Variants in MAGI3 observed in about 807,000 individuals in gnomAD.
MAGI3 encodes the protein membrane-associated guanylate kinase, WW and PDZ domain-containing protein 3.
Under a neutral mutation model 121.8 loss-of-function variants are expected in MAGI3, and 43 were observed. The observed-to-expected ratio is 0.35, with a 90% CI of 0.28 to 0.46. The LOEUF (loss-of-function observed/expected upper bound fraction) is 0.46. Among genes scored for constraint, MAGI3 ranks in the 20% least tolerant of loss-of-function variants. MAGI3 has a pLI of 1.00. For missense variants in MAGI3, 1,547 were observed against 1,797.3 expected, an observed-to-expected ratio of 0.86 and a Z score of 2.52; for synonymous variants, 553 against 639.3, an observed-to-expected ratio of 0.86 and a Z score of 2.04.
At chr1:113,594,977 A>G (rs1004368066) in intron 6 of MAGI3, among the ~76,000 whole-genome samples, 1 of 152,208 alleles carries the variant, frequency 6.6e-6, no homozygotes, top group African/African-American at 2.4e-5. Context: ...ATCTATAGCT[A>G]TTCTTAGCCA....
intron 1 of MAGI3, chr1:113,450,878 A>G (rs892204824): frequency 1.8e-4 from 110 of 622,792 alleles, no homozygotes; most frequent in Non-Finnish European, 2.9e-4. Flanking sequence ...ATCCATAGTC[A>G]GAAAAGTTAT....
At chr1:113,436,967 A>C (rs1314842234) in intron 1 of MAGI3, among the ~76,000 whole-genome samples, 2 of 151,844 alleles carry the variant, frequency 1.3e-5, no homozygotes, top group African/African-American at 4.8e-5. Context: ...GGCGTGTGCC[A>C]CCACGTCCAG....
Position 113,649,298 on chromosome 1 carries a change from G to A in MAGI3, c.2217G>A (p.Arg739=), listed in dbSNP as rs774744797. 15 of 1,612,942 alleles carry A rather than the reference G, an allele frequency of 9.3e-6. No individual in the cohort carries two copies. The African/African-American group carries it at 1.5e-4, about 16-fold the overall frequency. The change falls in exon 13 of 21, where the codon AGG becomes AGA. Residue 739 remains arginine (R), a synonymous_variant. Coordinates refer to ENST00000307546, the MANE Select transcript of MAGI3 (RefSeq NM_001142782.2). ...LRKQESGFGF[R]VLGGDGPDQS... ...AACAAGAGTCAGGGTTTGGCTTCAG[G>A]GTGCTAGGAGGAGATGGACCTGACC... is the stretch of plus-strand genomic sequence containing the variant.
chr1:113,590,261 C>T lies in MAGI3; in HGVS notation c.764-223C>T, dbSNP rs181256886. 9.6e-4 allele frequency among the ~76,000 whole-genome samples: 146 copies of T among 152,066 alleles called. 1 individual carries two copies. The highest frequency in any genetic ancestry group is 3.4e-3 in the African/African-American group (140 of 41,500). ...TCTATTGTTGTTTTTTGCTTCTTTC[C>T]AAGACTAGCATCAGAGGTGCTATAC... On this transcript the variant is annotated intron_variant, in intron 4 of 20. Transcript: ENST00000307546.
chr1:113,443,482 T>G (rs1446345183), intron 1 of MAGI3, among the ~76,000 whole-genome samples: 1 of 152,176 alleles, frequency 6.6e-6, no homozygotes, highest in Non-Finnish European at 1.5e-5. Context: ...TCATTAGAAG[T>G]TTTACTCTTG....
At chr1:113,661,412 ACTGAGT>A (rs1653780152) in intron 16 of MAGI3, among the ~76,000 whole-genome samples, 1 of 152,236 alleles carries the variant, frequency 6.6e-6, no homozygotes, top group Admixed American at 6.5e-5. Flanking sequence ...AGATGAGGAA[ACTGAGT>A]CACAGAGCAG....
intron 1 of MAGI3, among the ~76,000 whole-genome samples, chr1:113,429,296 G>T (rs1221148466): frequency 6.6e-6 from 1 of 152,202 alleles, no homozygotes; most frequent in Non-Finnish European, 1.5e-5. Context: ...CCAGTGGAGG[G>T]TGCCCAGGCT....
At chr1:113,407,722 T>C (rs1651766230) in intron 1 of MAGI3, among the ~76,000 whole-genome samples, 1 of 152,108 alleles carries the variant, frequency 6.6e-6, no homozygotes, top group Non-Finnish European at 1.5e-5. Flanking sequence ...CTGGTGAATC[T>C]AGGATCAGCA....
intron 1 of MAGI3, among the ~76,000 whole-genome samples, chr1:113,510,970 AGTTAATT>A (rs1657586521): frequency 6.6e-6 from 1 of 152,160 alleles, no homozygotes. Flanking sequence ...ATTACATTAC[AGTTAATT>A]GTTGAAGTCT....
intron 5 of MAGI3, among the ~76,000 whole-genome samples, chr1:113,593,013 A>AAAAC (rs1043261205): frequency 9.2e-5 from 14 of 152,124 alleles, no homozygotes; most frequent in Admixed American, 8.5e-4. Context: ...CTCTGTCTCA[A>AAAAC]AAACAAACAA....
chr1:113,457,734 GATAAAT>G (rs1654828064), intron 1 of MAGI3, among the ~76,000 whole-genome samples: 1 of 151,924 alleles, frequency 6.6e-6, no homozygotes, highest in African/African-American at 2.4e-5. Flanking sequence ...AAATAATACT[GATAAAT>G]ATAGAGAAGA....
chr1:113,653,703 G>A, intron 14 of MAGI3, 127 bp from the exon 15 acceptor site: 1 of 734,424 alleles, frequency 1.4e-6, no homozygotes, highest in Admixed American at 3.3e-5. Context: ...TCACATGTGG[G>A]GCTGCTTTTC....
chr1:113,514,518 C>T (rs1050085330), intron 1 of MAGI3, among the ~76,000 whole-genome samples: 3 of 151,512 alleles, frequency 2.0e-5, no homozygotes, highest in South Asian at 2.1e-4. Flanking sequence ...AGTAAACTAT[C>T]GCAAGAACAA....
chr1:113,538,609 A>T (rs1015780749), intron 1 of MAGI3, among the ~76,000 whole-genome samples: 1 of 152,158 alleles, frequency 6.6e-6, no homozygotes, highest in Admixed American at 6.5e-5. Context: ...CCCAATTTTG[A>T]TTATTTACTT....
intron 18 of MAGI3, 142 bp from the exon 19 acceptor site, chr1:113,673,180 A>G (rs1647666493): frequency 1.9e-6 from 2 of 1,031,066 alleles, no homozygotes; most frequent in East Asian, 5.5e-5. Context: ...CCCTTTAACC[A>G]AAACCTACAT....
intron 1 of MAGI3, among the ~76,000 whole-genome samples, chr1:113,488,168 G>A (rs1471077876): frequency 2.0e-5 from 3 of 152,042 alleles, no homozygotes; most frequent in African/African-American, 7.2e-5. Flanking sequence ...AGAAAATTTA[G>A]TGTTTCATTG....
At chr1:113,530,892 G>C (rs1658686245) in intron 1 of MAGI3, among the ~76,000 whole-genome samples, 1 of 146,748 alleles carries the variant, frequency 6.8e-6, no homozygotes, top group Non-Finnish European at 1.5e-5. Context: ...CTCCAGCCTG[G>C]GCAGCAGAGC....
rs529814668 is a variant in MAGI3, at chr1:113,634,556, G to A, written c.1361-7355G>A. Among the ~76,000 whole-genome samples the A allele has an allele frequency of 2.3e-3, 346 of 152,210 alleles. 3 individuals carry two copies. The highest frequency in any genetic ancestry group is 6.9e-3 in the African/African-American group (287 of 41,528). The stretch of plus-strand genomic sequence containing the variant: ...GATCAGATAGTTGTAGATGTGCGGC[G>A]TTATTTCTGAGGGCTCTGTTCTGTT... On this transcript the variant is annotated intron_variant, in intron 9 of 20. Coordinates refer to ENST00000307546, the MANE Select transcript of MAGI3 (RefSeq NM_001142782.2).
rs551647399 is a variant in MAGI3, at chr1:113,562,233, G to A, written c.433+12602G>A. 1.8e-4 allele frequency among the ~76,000 whole-genome samples: 27 copies of A among 152,166 alleles called. 1 individual carries two copies. The South Asian group carries it at 5.0e-3, about 28-fold the overall frequency. On this transcript the variant is annotated intron_variant, in intron 2 of 20. Transcript: ENST00000307546. ...ATCCTGGCTAACACGGTGAAACCCC[G>A]TCTCTACCAAAACAAAAAAATTAGC... is the stretch of plus-strand genomic sequence containing the variant.
Sources: allele counts gnomAD v4.1 joint callset (sites outside exome capture counted in the v4.1 genomes callset), GRCh38; gene constraint gnomAD v4.1.1; transcripts MANE v1.5; gene names NCBI Gene and HGNC (gene_info 2026-07-23, HGNC 2026-07-21).